Variants in CHST9 observed in about 807,000 individuals in gnomAD.
CHST9 encodes carbohydrate sulfotransferase 9.
A neutral mutation model predicts 44.4 loss-of-function variants in CHST9; 41 were observed. The ratio of observed to expected loss-of-function variants is 0.92; its 90% CI spans 0.72 to 1.20. CHST9 has a LOEUF of 1.20. Among genes scored for constraint, CHST9 ranks in the 50% most tolerant of loss-of-function variants. The pLI is 0.00. For synonymous variants in CHST9, 171 were observed against 178.4 expected (o/e 0.96, Z 0.33); for missense variants, 504 against 516.5 (o/e 0.98, Z 0.23).
At chr18:27,029,497 C>T (rs145053615) in intron 3 of CHST9, among the ~76,000 whole-genome samples, 2 of 152,202 alleles carry the variant, frequency 1.3e-5, no homozygotes, top group East Asian at 3.9e-4. Flanking sequence ...CCAAAAATAG[C>T]AACTGTACTT....
At position 26,917,180 on chromosome 18, in the gene CHST9, T is replaced by G. The variant is rs750602357; in HGVS notation, c.411A>C (p.Gln137His). The change falls in exon 6 of 6, where the codon CAA becomes CAC. Residue 137 changes from glutamine to histidine, a missense_variant. Coordinates refer to ENST00000618847, the MANE Select transcript of CHST9 (RefSeq NM_031422.6). ...ACTTGTTAAAAACAGTCTTAGCTCC[T>G]TGACGTTTTTCAATCAACTTCTCTG... ...SPTEKLIEKR[Q>H]GAKTVFNKFS... 6.2e-7 allele frequency: 1 copy of G among 1,613,974 alleles called. No homozygotes were observed. Among genetic ancestry groups the G allele is most frequent in the East Asian group, 2.2e-5 (1 of 44,864 alleles).
intron 2 of CHST9, among the ~76,000 whole-genome samples, chr18:27,073,515 C>A (rs62082863): frequency 0.23 from 35,357 of 151,786 alleles, 4,597 homozygotes; most frequent in Non-Finnish European, 0.3. Flanking sequence ...GTGACATCAG[C>A]AGCAAGTATA....
chr18:26,942,451 C>T (rs920936196), intron 5 of CHST9, among the ~76,000 whole-genome samples: 2 of 152,054 alleles, frequency 1.3e-5, no homozygotes, highest in Non-Finnish European at 2.9e-5. Flanking sequence ...AGACTGAAAA[C>T]CATTATAATT....
chr18:26,946,785 C>T (rs2056169722), intron 4 of CHST9, among the ~76,000 whole-genome samples: 1 of 150,514 alleles, frequency 6.6e-6, no homozygotes, highest in South Asian at 2.1e-4. Context: ...AATCCTTTCC[C>T]CATTGCTTGC....
intron 4 of CHST9, among the ~76,000 whole-genome samples, chr18:26,988,322 A>G (rs537653577): frequency 5.6e-4 from 85 of 152,330 alleles, no homozygotes; most frequent in Admixed American, 1.1e-3. Context: ...AGGGCACTTC[A>G]AATATAAAGA....
At chr18:27,039,568 C>A (rs1283182016) in intron 3 of CHST9, among the ~76,000 whole-genome samples, 2 of 152,044 alleles carry the variant, frequency 1.3e-5, no homozygotes, top group African/African-American at 4.8e-5. Flanking sequence ...GAAAAGATTT[C>A]TGTGAATGGG....
At chr18:27,075,348 AGG>A (rs749790126) in intron 2 of CHST9, among the ~76,000 whole-genome samples, 26 of 152,200 alleles carry the variant, frequency 1.7e-4, no homozygotes, top group Non-Finnish European at 3.2e-4. Context: ...ACACACAAAG[AGG>A]GGGACAGAGA....
intron 2 of CHST9, among the ~76,000 whole-genome samples, chr18:27,079,129 G>T (rs2879388): frequency 0.88 from 134,205 of 152,148 alleles, 59,502 homozygotes; most frequent in African/African-American, 0.97. Flanking sequence ...CTGTTTATAC[G>T]ATAAACCATA....
At chr18:27,095,311 AT>A (rs2058106490) in intron 2 of CHST9, among the ~76,000 whole-genome samples, 2 of 152,182 alleles carry the variant, frequency 1.3e-5, no homozygotes, top group South Asian at 4.1e-4. Flanking sequence ...TTTAATGAAA[AT>A]TAGGTTGATG....
intron 1 of CHST9, among the ~76,000 whole-genome samples, chr18:27,143,692 G>A (rs1206822519): frequency 6.6e-6 from 1 of 151,882 alleles, no homozygotes; most frequent in African/African-American, 2.4e-5. Context: ...AAATGCCAAA[G>A]TGTTCATGTA....
rs554822608 is a variant in CHST9, at chr18:26,998,524, G to A, written c.202+25592C>T. Among the ~76,000 whole-genome samples the A allele has an allele frequency of 9.9e-5, 15 of 152,176 alleles. No individual in the cohort carries two copies. In the South Asian group the frequency reaches 1.9e-3, roughly 19 times the overall value. The stretch of plus-strand genomic sequence containing the variant: ...GAGGATCACTTGAGGTCAAGAGTTC[G>A]AGAGCAGCCTGGCCAACATGGCGAA... On this transcript the variant is annotated intron_variant, in intron 4 of 5. Transcript: ENST00000618847.
At chr18:27,030,234 T>C (rs1304527362) in intron 3 of CHST9, among the ~76,000 whole-genome samples, 1 of 152,202 alleles carries the variant, frequency 6.6e-6, no homozygotes, top group East Asian at 1.9e-4. Context: ...TGTTTGTACA[T>C]GGGTCATCAC....
chr18:27,027,824 T>A (rs2057299000), intron 3 of CHST9, among the ~76,000 whole-genome samples: 1 of 152,168 alleles, frequency 6.6e-6, no homozygotes. Flanking sequence ...CAAAGCAGAA[T>A]CCTTTTAGAT....
intron 2 of CHST9, among the ~76,000 whole-genome samples, chr18:27,114,918 C>G (rs1173794917): frequency 6.6e-6 from 1 of 152,056 alleles, no homozygotes; most frequent in African/African-American, 2.4e-5. Context: ...AACTGTAATC[C>G]CCATAATCCC....
intron 5 of CHST9, among the ~76,000 whole-genome samples, chr18:26,929,735 C>G (rs2055841332): frequency 6.6e-6 from 1 of 151,808 alleles, no homozygotes; most frequent in South Asian, 2.1e-4. Flanking sequence ...TGGAGAGTGG[C>G]CAGTTATTAC....
chr18:27,117,776 T>C (rs2058341149), intron 2 of CHST9, among the ~76,000 whole-genome samples: 1 of 152,246 alleles, frequency 6.6e-6, no homozygotes, highest in Non-Finnish European at 1.5e-5. Flanking sequence ...AGTACCACAG[T>C]TAACTTGTCC....
intron 3 of CHST9, among the ~76,000 whole-genome samples, chr18:27,036,280 C>T (rs2057389723): frequency 6.6e-6 from 1 of 152,078 alleles, no homozygotes; most frequent in African/African-American, 2.4e-5. Flanking sequence ...GGACTTCCAC[C>T]TCTCCTTTAT....
At chr18:26,941,338 A>G (rs1020220428) in intron 5 of CHST9, among the ~76,000 whole-genome samples, 2 of 152,136 alleles carry the variant, frequency 1.3e-5, no homozygotes, top group African/African-American at 2.4e-5. Context: ...GTATTAATTC[A>G]CTAAGGGTTT....
chr18:26,941,460 C>G (rs2056080934), intron 5 of CHST9, among the ~76,000 whole-genome samples: 1 of 151,944 alleles, frequency 6.6e-6, no homozygotes, highest in Non-Finnish European at 1.5e-5. Context: ...TTTTCCCATT[C>G]TCATGCTGAC....
Sources: gnomAD v4.1 joint callset for allele counts (sites outside exome capture counted in the v4.1 genomes callset) on GRCh38, gnomAD v4.1.1 for gene constraint, MANE v1.5 for transcripts, NCBI Gene and HGNC (gene_info 2026-07-23, HGNC 2026-07-21) for gene names.